Variants in NTRK3 observed in about 807,000 individuals in gnomAD.
NTRK3 encodes the protein neurotrophic receptor tyrosine kinase 3, also known as NT-3 growth factor receptor.
NTRK3 carries 24 observed loss-of-function variants against 91.7 expected under a neutral mutation model. The observed-to-expected ratio is 0.26, with a 90% CI of 0.19 to 0.37. NTRK3 has a LOEUF of 0.37. Among genes scored for constraint, NTRK3 ranks in the 10% least tolerant of loss-of-function variants. The pLI is 1.00. For synonymous variants in NTRK3, 483 were observed against 404.0 expected (o/e 1.20, Z -2.34); for missense variants, 880 against 1,068.9 (o/e 0.82, Z 2.46).
chr15:88,146,445 T>C (rs1311711416), intron 6 of NTRK3, among the ~76,000 whole-genome samples: 1 of 152,182 alleles, frequency 6.6e-6, no homozygotes, highest in East Asian at 1.9e-4. Flanking sequence ...ATGAGCGGTG[T>C]CTCTGGAACC....
At chr15:87,883,520 A>G (rs1596075340) in intron 17 of NTRK3, among the ~76,000 whole-genome samples, 3 of 151,194 alleles carry the variant, frequency 2.0e-5, no homozygotes, top group African/African-American at 7.2e-5. Flanking sequence ...AAGACAACAT[A>G]AATGAAGATA....
intron 14 of NTRK3, among the ~76,000 whole-genome samples, chr15:88,006,592 G>C (rs930838358): frequency 1.1e-4 from 16 of 152,200 alleles, no homozygotes; most frequent in African/African-American, 2.9e-4. Flanking sequence ...GGAAATAAGA[G>C]ATGAACCAAA....
rs963797859 is a variant in NTRK3 at position 87,946,248 on chromosome 15, G to A, written c.1586-5495C>T. On this transcript the variant is annotated intron_variant, in intron 14 of 18. Transcript: ENST00000394480. ...CCTCCTTCAGAGGCCAAAACAGTTT[G>A]CGGGAGGAGGTTGGTCAGACAGTGG... 4 of 152,172 alleles carry A rather than the reference G, an allele frequency of 2.6e-5. 1 individual carries two copies. Among genetic ancestry groups the A allele is most frequent in the African/African-American group, 9.7e-5 (4 of 41,432 alleles). The allele number at this position is 152,172 out of a possible 1,614,324, so 9.4% of individuals were successfully genotyped here.
chr15:87,872,705 C>G, exon 19 of NTRK3: 1 of 232,742 alleles, frequency 4.3e-6, no homozygotes, highest in Non-Finnish European at 8.5e-6. Flanking sequence ...CTCAAATCTA[C>G]CAGTCACCAG....
At chr15:87,900,816 C>T (rs1402046656) in intron 17 of NTRK3, among the ~76,000 whole-genome samples, 1 of 151,984 alleles carries the variant, frequency 6.6e-6, no homozygotes, top group African/African-American at 2.4e-5. Flanking sequence ...CTGGCTCACC[C>T]CTGGCCTTCT....
chr15:88,052,910 G>T (rs1292378566), intron 13 of NTRK3, among the ~76,000 whole-genome samples: 1 of 152,160 alleles, frequency 6.6e-6, no homozygotes, highest in Non-Finnish European at 1.5e-5. Context: ...TCTATCAGCT[G>T]ATCAGTATGG....
intron 14 of NTRK3, among the ~76,000 whole-genome samples, chr15:87,988,000 T>TC (rs1321406741): frequency 1.3e-5 from 2 of 152,112 alleles, no homozygotes; most frequent in Non-Finnish European, 2.9e-5. Flanking sequence ...GAGTTTCACT[T>TC]CCCCCCACCC....
intron 6 of NTRK3, among the ~76,000 whole-genome samples, chr15:88,139,935 T>TGGGGGGGGGGGGGG (rs1250512649): frequency 4.7e-5 from 1 of 21,170 alleles, no homozygotes; most frequent in Non-Finnish European, 9.4e-5. Flanking sequence ...GGGGGGAGTG[T>TGGGGGGGGGGGGGG]GGGGGGTGGG....
Position 88,197,094 on chromosome 15 carries a change from C to CAAAAAA in NTRK3, c.249-12801_249-12796dup, listed in dbSNP as rs59553739. 2.8e-3 allele frequency among the ~76,000 whole-genome samples: 157 copies of CAAAAAA among 56,574 alleles called. 22 individuals carry two copies. The highest frequency in any genetic ancestry group is 3.3e-3 in the Non-Finnish European group (93 of 27,802). The allele number at this position is 56,574 out of a possible 152,430, so 37.1% of individuals were successfully genotyped here. A position where few individuals can be genotyped will look rare whatever the true frequency, so the allele number is the denominator to read the frequency against. On this transcript the variant is annotated intron_variant, in intron 3 of 18. Coordinates refer to ENST00000394480, the Ensembl canonical transcript of NTRK3. Reference sequence around the variant, plus strand: ...AGAAGAGGTCTATGGTTGAGCAGGACAAAAAAAAAAAAAAAAAAAAAAAAA... The same window carrying CAAAAAA: ...AGAAGAGGTCTATGGTTGAGCAGGACAAAAAAAAAAAAAAAAAAAAAAAAAAAAAAA...
intron 18 of NTRK3, among the ~76,000 whole-genome samples, chr15:87,879,940 T>C (rs1300658379): frequency 1.3e-5 from 2 of 152,198 alleles, no homozygotes; most frequent in Admixed American, 1.3e-4. Flanking sequence ...TTCCACAAGA[T>C]GGCACAATTG....
Position 88,054,238 on chromosome 15 carries a change from A to G in NTRK3, c.1397-21193T>C, listed in dbSNP as rs543020552. ...TGCGAGCAAACCATTAAATAATAAC[A>G]TTAGTAACTACCATTTGTTGGAAAG... On this transcript the variant is annotated intron_variant, in intron 13 of 18. Transcript: ENST00000394480. Among the ~76,000 whole-genome samples the G allele has an allele frequency of 3.9e-5, 6 of 152,366 alleles. No homozygotes were observed. The East Asian group carries it at 1.2e-3, about 29-fold the overall frequency.
intron 13 of NTRK3, among the ~76,000 whole-genome samples, chr15:88,122,625 T>C (rs555871502): frequency 6.6e-5 from 10 of 152,314 alleles, no homozygotes; most frequent in Admixed American, 2.0e-4. Flanking sequence ...GTTTGTTATA[T>C]TAATCTTTGT....
chr15:88,033,518 C>T (rs781049482), intron 13 of NTRK3, among the ~76,000 whole-genome samples: 6 of 151,942 alleles, frequency 3.9e-5, no homozygotes, highest in Non-Finnish European at 5.9e-5. Context: ...ACCATGTTGG[C>T]CAGGATGGTC....
intron 14 of NTRK3, among the ~76,000 whole-genome samples, chr15:87,948,364 A>G (rs1596360469): frequency 6.6e-6 from 1 of 152,234 alleles, no homozygotes; most frequent in African/African-American, 2.4e-5. Flanking sequence ...AAAACTCTGC[A>G]GAATTTTTTT....
intron 3 of NTRK3, among the ~76,000 whole-genome samples, chr15:88,225,311 T>G (rs1418267892): frequency 6.6e-6 from 1 of 152,196 alleles, no homozygotes; most frequent in Non-Finnish European, 1.5e-5. Flanking sequence ...TAAGCAGGTA[T>G]GGGTTCTCTG....
intron 17 of NTRK3, among the ~76,000 whole-genome samples, chr15:87,890,159 A>G (rs2065780693): frequency 6.6e-6 from 1 of 151,942 alleles, no homozygotes; most frequent in Admixed American, 6.5e-5. Flanking sequence ...AGGTTCATAA[A>G]TGGTGCTGTT....
At chr15:88,141,362 G>A (rs1202191567) in intron 6 of NTRK3, among the ~76,000 whole-genome samples, 1 of 152,210 alleles carries the variant, frequency 6.6e-6, no homozygotes, top group Admixed American at 6.5e-5. Context: ...TAACCCTCAT[G>A]ACAAGAAGAG....
At chr15:88,059,475 T>A (rs2046011813) in intron 13 of NTRK3, among the ~76,000 whole-genome samples, 1 of 152,146 alleles carries the variant, frequency 6.6e-6, no homozygotes, top group Admixed American at 6.5e-5. Flanking sequence ...TGCACATTAT[T>A]CCAGGCCCAT....
chr15:88,059,080 AG>A (rs2045979349), intron 13 of NTRK3, among the ~76,000 whole-genome samples: 1 of 148,334 alleles, frequency 6.7e-6, no homozygotes, highest in African/African-American at 2.5e-5. Flanking sequence ...ACACACACAC[AG>A]CCCTCTGGCT....
Sources: gnomAD v4.1 joint callset for allele counts (sites outside exome capture counted in the v4.1 genomes callset) on GRCh38, gnomAD v4.1.1 for gene constraint, MANE v1.5 for transcripts, NCBI Gene and HGNC (gene_info 2026-07-23, HGNC 2026-07-21) for gene names.